LRP2: variants seen among roughly 807,000 people sequenced by gnomAD.
LRP2 encodes LDL receptor related protein 2.
In LRP2, 172 loss-of-function variants were observed where a neutral mutation model predicts 531.0. The ratio of observed to expected loss-of-function variants is 0.32; its 90% CI spans 0.29 to 0.37. The LOEUF is 0.37. Among genes scored for constraint, LRP2 ranks in the 10% least tolerant of loss-of-function variants. LRP2 has a pLI of 1.00. For missense variants in LRP2, 5,167 were observed against 5,868.3 expected (o/e 0.88, Z 3.90); for synonymous variants, 1,992 against 2,027.6 (o/e 0.98, Z 0.47).
chr2:169,226,157 C>G (rs946779493), intron 32 of LRP2, among the ~76,000 whole-genome samples: 1 of 152,156 alleles, frequency 6.6e-6, no homozygotes, highest in African/African-American at 2.4e-5. Context: ...ATCATAGGCA[C>G]TTCTGGAAAA....
intron 1 of LRP2, among the ~76,000 whole-genome samples, chr2:169,356,173 A>G (rs909124230): frequency 6.6e-6 from 1 of 152,226 alleles, no homozygotes; most frequent in Non-Finnish European, 1.5e-5. Flanking sequence ...ATTTATAGGC[A>G]TGAGCCACCA....
rs560377929 is a variant in LRP2 at position 169,319,556 on chromosome 2, G to C, written c.188-672C>G. Among the ~76,000 whole-genome samples the C allele has an allele frequency of 1.6e-4, 24 of 152,258 alleles. 1 individual carries two copies. In the South Asian group the frequency reaches 5.0e-3, roughly 32 times the overall value. On this transcript the variant is annotated intron_variant, in intron 2 of 78. Coordinates refer to ENST00000649046, the MANE Select transcript of LRP2 (RefSeq NM_004525.3). ...CAATCTCTGAAGAGTTGTTGGCATA[G>C]CTGTTCACTTATTCCTTTACCCCAG...
intron 26 of LRP2, among the ~76,000 whole-genome samples, chr2:169,238,825 T>C (rs1689699668): frequency 9.2e-5 from 14 of 152,190 alleles, no homozygotes; most frequent in Admixed American, 9.2e-4. Context: ...CTCCCTCCAC[T>C]GAAGTTTGGA....
chr2:169,131,771 C>T (rs1685299388), intron 77 of LRP2, among the ~76,000 whole-genome samples: 2 of 152,180 alleles, frequency 1.3e-5, no homozygotes, highest in Admixed American at 6.5e-5. Flanking sequence ...ATGCCAATAG[C>T]GCCCCCAGTG....
chr2:169,305,548 G>C (rs925094282), intron 4 of LRP2, among the ~76,000 whole-genome samples: 1 of 152,164 alleles, frequency 6.6e-6, no homozygotes, highest in Non-Finnish European at 1.5e-5. Flanking sequence ...GAGATATCCC[G>C]TGAGAATAGG....
In LRP2 at chr2:169,299,093, AAG is replaced by A. The variant is rs1424233710; in HGVS notation, c.428-4385_428-4384del. 4.5e-4 allele frequency among the ~76,000 whole-genome samples: 6 copies of A among 13,306 alleles called. No individual in the cohort carries two copies. The Admixed American group carries it at 4.7e-3, about 11-fold the overall frequency. 8.7% of individuals were successfully genotyped at this position (13,306 alleles called of 152,430 possible). A position where few individuals can be genotyped will look rare whatever the true frequency, so the allele number is the denominator to read the frequency against. On this transcript the variant is annotated intron_variant, in intron 4 of 78. Coordinates refer to ENST00000649046, the MANE Select transcript of LRP2 (RefSeq NM_004525.3). ...AAGGAAAGAAAGAAAGAAGGAAAGA[AAG>A]AAAGAAAGAAAGAAAGAAAGAAAGA...
intron 37 of LRP2, among the ~76,000 whole-genome samples, chr2:169,210,585 T>G: frequency 6.6e-6 from 1 of 152,188 alleles, no homozygotes; most frequent in East Asian, 1.9e-4. Context: ...AGTGTGGGAT[T>G]CTCAAAGACA....
rs201993572 is a variant in LRP2, at chr2:169,238,102, C to A, written c.4495G>T (p.Asp1499Tyr). ...AGAAATGTACTTACCACTCTTCTGTCCGTTCCATTTTGAAACGCACTCCAG... is the reference window on the plus strand; with the variant it reads ...AGAAATGTACTTACCACTCTTCTGTACGTTCCATTTTGAAACGCACTCCAG... ...KTWSAFQNGTDRRVVFDSSII... is the reference protein window; with the variant it reads ...KTWSAFQNGTYRRVVFDSSII... The change falls in exon 27 of 79, where the codon GAC becomes TAC. Residue 1499 changes from aspartate (D) to tyrosine (Y), a missense_variant. Asp to Tyr is a radical substitution (Grantham distance 160). Coordinates refer to ENST00000649046, the MANE Select transcript of LRP2 (RefSeq NM_004525.3). 1.2e-6 allele frequency: 2 copies of A among 1,613,868 alleles called. No homozygotes were observed. Among genetic ancestry groups the A allele is most frequent in the East Asian group, 2.2e-5 (1 of 44,888 alleles).
At position 169,182,162 on chromosome 2, in the gene LRP2, A is replaced by G. The variant is rs753525327; in HGVS notation, c.9998+5T>C. Reference sequence around the variant, plus strand: ...GAAAAGCCCAGGATTGCAGGGAGACAATACCCATATTGAGGGTGAAGGGCA... The same window carrying G: ...GAAAAGCCCAGGATTGCAGGGAGACGATACCCATATTGAGGGTGAAGGGCA... On this transcript the variant is annotated splice_donor_5th_base_variant and intron_variant, in intron 51 of 78. Transcript: ENST00000649046. The G allele has an allele frequency of 5.6e-6, 9 of 1,614,098 alleles. No individual in the cohort carries two copies. Among genetic ancestry groups the G allele is most frequent in the Non-Finnish European group, 7.6e-6 (9 of 1,179,968 alleles).
rs1356440134 is a variant in LRP2 at position 169,289,090 on chromosome 2, A to G, written c.978T>C (p.Tyr326=). 6.2e-7 allele frequency: 1 copy of G among 1,614,052 alleles called. No homozygotes were observed. Among genetic ancestry groups the G allele is most frequent in the Non-Finnish European group, 8.5e-7 (1 of 1,180,016 alleles). Residue 326 remains tyrosine (Y), a synonymous_variant, in exon 9 of 79, where the codon TAT becomes TAC. Transcript: ENST00000649046. Reference sequence around the variant, plus strand: ...CTGGGGGACAAAAACACGCTCCTCCATACGGCGTCTCATGGCACTGGTACT... The same window carrying G: ...CTGGGGGACAAAAACACGCTCCTCCGTACGGCGTCTCATGGCACTGGTACT... ...NCQYQCHETP[Y]GGACFCPPGY...
At position 169,187,953 on chromosome 2, in the gene LRP2, T is replaced by C. The variant is rs760817814; in HGVS notation, c.9328+17A>G. ...GTCTCCCCTGTTTCCTTTTCCCAAA[T>C]CCTCTGTTGTACTCACCACAGCCTT... On this transcript the variant is annotated intron_variant, in intron 49 of 78. Transcript: ENST00000649046. 27 of 1,613,756 alleles carry C rather than the reference T, an allele frequency of 1.7e-5. No individual in the cohort carries two copies. The highest frequency in any genetic ancestry group is 1.6e-4 in the Middle Eastern group (1 of 6,084).
In LRP2 at chr2:169,184,699, A is replaced by C. The variant is rs557638443; in HGVS notation, c.9845+804T>G. On this transcript the variant is annotated intron_variant, in intron 50 of 78. Coordinates refer to ENST00000649046, the MANE Select transcript of LRP2 (RefSeq NM_004525.3). ...TCAAAACAAGAGTCTCATGTTAGCC[A>C]TTCTCCAGTTTTCACGCCCAGCCCA... 3.3e-5 allele frequency among the ~76,000 whole-genome samples: 5 copies of C among 152,254 alleles called. No individual in the cohort carries two copies. In the East Asian group the frequency reaches 9.6e-4, roughly 29 times the overall value.
At chr2:169,176,660 C>A in intron 53 of LRP2, 72 bp from the exon 54 acceptor site, 2 of 1,339,658 alleles carry the variant, frequency 1.5e-6, no homozygotes, top group East Asian at 4.6e-5. Context: ...GCTGATTACA[C>A]ATCTTGACTT....
At position 169,176,600 on chromosome 2, in the gene LRP2, G is replaced by T. The variant is rs574497332; in HGVS notation, c.10394-12C>A. 6.2e-7 allele frequency: 1 copy of T among 1,613,334 alleles called. No homozygotes were observed. The highest frequency in any genetic ancestry group is 1.1e-5 in the South Asian group (1 of 91,068). Reference sequence around the variant, plus strand: ...ACAGGGATTGCTCACTAGTGGAAAAGGAAGAAAATATGTGTTCATTTGCTG... The same window carrying T: ...ACAGGGATTGCTCACTAGTGGAAAATGAAGAAAATATGTGTTCATTTGCTG... On this transcript the variant is annotated splice_polypyrimidine_tract_variant and intron_variant, in intron 53 of 78. Coordinates refer to ENST00000649046, the MANE Select transcript of LRP2 (RefSeq NM_004525.3).
intron 1 of LRP2, among the ~76,000 whole-genome samples, chr2:169,333,195 A>G (rs1228072998): frequency 6.6e-6 from 1 of 152,040 alleles, no homozygotes; most frequent in Non-Finnish European, 1.5e-5. Flanking sequence ...TTTACACAAT[A>G]TTTTTGTATT....
chr2:169,283,364 C>T (rs1683758909), intron 9 of LRP2, among the ~76,000 whole-genome samples: 1 of 152,074 alleles, frequency 6.6e-6, no homozygotes, highest in Admixed American at 6.5e-5. Flanking sequence ...GCCACTAACC[C>T]CCTGTGGCTA....
intron 1 of LRP2, among the ~76,000 whole-genome samples, chr2:169,329,860 C>T (rs1685219004): frequency 6.6e-6 from 1 of 152,168 alleles, no homozygotes; most frequent in South Asian, 2.1e-4. Context: ...GGTACTGGTC[C>T]GTGGCCTGCT....
chr2:169,314,109 G>C (rs533990187), intron 3 of LRP2, among the ~76,000 whole-genome samples: 1 of 152,112 alleles, frequency 6.6e-6, no homozygotes. Flanking sequence ...CTTTTCAAAC[G>C]ACAAGTAAAC....
intron 21 of LRP2, among the ~76,000 whole-genome samples, 184 bp from the exon 22 acceptor site, chr2:169,245,116 T>C (rs1689956617): frequency 6.6e-6 from 1 of 152,194 alleles, no homozygotes; most frequent in Non-Finnish European, 1.5e-5. Flanking sequence ...TTGGTATTTA[T>C]CATAGAAAAG....
Sources: gnomAD v4.1 joint callset for allele counts (sites outside exome capture counted in the v4.1 genomes callset) on GRCh38, gnomAD v4.1.1 for gene constraint, MANE v1.5 for transcripts, NCBI Gene and HGNC (gene_info 2026-07-23, HGNC 2026-07-21) for gene names.